The following PHB2 variants were observed in gnomAD, a reference collection of about 807,000 sequenced individuals.
The protein encoded by PHB2 is prohibitin 2.
PHB2 carries 22 observed loss-of-function variants against 46.4 expected under a neutral mutation model. The ratio of observed to expected loss-of-function variants is 0.47; its 90% CI spans 0.34 to 0.68. The LOEUF is 0.68. Among genes scored for constraint, PHB2 ranks in the 30% least tolerant of loss-of-function variants. PHB2 has a pLI of 0.01. For synonymous variants in PHB2, 156 were observed against 150.5 expected (o/e 1.04, Z -0.27); for missense variants, 305 against 382.8 (o/e 0.80, Z 1.70).
At position 6,967,428 on chromosome 12, in the gene PHB2, AGG is replaced by A. The variant is rs1427905493; in HGVS notation, c.712-182_712-181del. The stretch of plus-strand genomic sequence containing the variant: ...TCCCTGCAGGCTGCTGCCAGGAACT[AGG>A]GGCAGCACCAGAAATGAAGGCAAGG... On this transcript the variant is annotated intron_variant, in intron 6 of 9. Coordinates refer to ENST00000535923, the MANE Select transcript of PHB2 (RefSeq NM_001144831.2). The surrounding 1 kb of genome is among the most constrained non-coding windows in gnomAD (Gnocchi z 4.9). 7.2e-7 allele frequency: 1 copy of A among 1,386,752 alleles called. No individual in the cohort carries two copies. Among genetic ancestry groups the A allele is most frequent in the Non-Finnish European group, 1.0e-6 (1 of 980,836 alleles). The allele number at this position is 1,386,752 out of a possible 1,614,324, so 85.9% of individuals were successfully genotyped here.
chr12:6,968,576 G>C lies in PHB2; in HGVS notation c.312C>G (p.Ile104Met), dbSNP rs782422291. ...TGGGTCGAGACAACACTCGCAGGGAGATATTCACCATCTGTAGGTCTGAGA... is the reference window on the plus strand; with the variant it reads ...TGGGTCGAGACAACACTCGCAGGGACATATTCACCATCTGTAGGTCTGAGA... ...TGSKDLQMVN[I>M]SLRVLSRPNA... is the part of the protein sequence containing the mutation. Residue 104 changes from isoleucine to methionine, a missense_variant, in exon 4 of 10, where the codon ATC (isoleucine) becomes ATG (methionine). This residue lies in a region of PHB2 where 241 missense variants were observed against 302.7 expected (regional missense o/e 0.80). Transcript: ENST00000535923. 1 of 1,613,666 alleles carries C rather than the reference G, an allele frequency of 6.2e-7. No individual in the cohort carries two copies. The highest frequency in any genetic ancestry group is 1.7e-5 in the Admixed American group (1 of 59,964).
At chr12:6,970,048 G>A (rs781841510) in intron 2 of PHB2, 148 bp downstream of exon 2, 1 of 724,146 alleles carries the variant, frequency 1.4e-6, no homozygotes, top group Non-Finnish European at 2.5e-6. Flanking sequence ...GCTGCTGGAG[G>A]TTCTCGCAGC....
Position 6,970,626 on chromosome 12 carries a change from C to A in PHB2, c.-83G>T. On this transcript the variant is annotated 5_prime_UTR_variant, in exon 1 of 10. Coordinates refer to ENST00000535923, the MANE Select transcript of PHB2 (RefSeq NM_001144831.2). ...CCCCGCTCCGGCTTAGGTACTGCAC[C>A]CTTCACACGAGGGTTCGGGCCCGTA... 1 of 1,460,700 alleles carries A rather than the reference C, an allele frequency of 6.8e-7. No individual in the cohort carries two copies. The highest frequency in any genetic ancestry group is 9.2e-7 in the Non-Finnish European group (1 of 1,092,630). 90.5% of individuals were successfully genotyped at this position (1,460,700 alleles called of 1,614,324 possible). A position where few individuals can be genotyped will look rare whatever the true frequency, so the allele number is the denominator to read the frequency against.
rs1555151557 is a variant in PHB2, at chr12:6,969,487, C to T, written c.292+11G>A. ...CCACCTGCCATGTGATTACCAAGTG[C>T]TCAGACCTACCTTTGGAGCCTGTAG... On this transcript the variant is annotated intron_variant, in intron 3 of 9. Coordinates refer to ENST00000535923, the MANE Select transcript of PHB2 (RefSeq NM_001144831.2). 2 of 1,535,724 alleles carry T rather than the reference C, an allele frequency of 1.3e-6. No homozygotes were observed. Among genetic ancestry groups the T allele is most frequent in the East Asian group, 2.3e-5 (1 of 44,098 alleles).
Position 6,966,468 on chromosome 12 carries a change from T to C in PHB2, c.822A>G (p.Thr274=), listed in dbSNP as rs34735201. 2.2e-3 allele frequency: 3,484 copies of C among 1,611,336 alleles called. 92 individuals carry two copies. The East Asian group carries it at 0.037, about 17-fold the overall frequency. ...GTAGGTTCAGCACAAGGTTGTCAGC[T>C]GTGAGATAGATACGATTCTGTGATG... ...IATSQNRIYL[T]ADNLVLNLQD... The change falls in exon 8 of 10, where the codon ACA becomes ACG. Residue 274 remains threonine (T), a synonymous_variant. Coordinates refer to ENST00000535923, the MANE Select transcript of PHB2 (RefSeq NM_001144831.2).
chr12:6,967,382 C>A lies in PHB2; in HGVS notation c.712-134G>T. 6.2e-7 allele frequency: 1 copy of A among 1,604,924 alleles called. No homozygotes were observed. Among genetic ancestry groups the A allele is most frequent in the Non-Finnish European group, 8.5e-7 (1 of 1,174,634 alleles). ...TCAGGTGGCTTGTGCCCAGCCCTAC[C>A]GTGGACCCCACCTGTGGGCCTCCCT... is the stretch of plus-strand genomic sequence containing the variant. On this transcript the variant is annotated intron_variant, in intron 6 of 9. Coordinates refer to ENST00000535923, the MANE Select transcript of PHB2 (RefSeq NM_001144831.2). This position sits in a 1 kb window ranked among gnomAD's most constrained non-coding sequence, Gnocchi z 4.9.
rs1946223880 is a variant in PHB2, at chr12:6,967,049, G to A, written c.789+122C>T. 1.1e-6 allele frequency: 1 copy of A among 875,090 alleles called. No individual in the cohort carries two copies. 54.2% of individuals were successfully genotyped at this position (875,090 alleles called of 1,614,324 possible). A position where few individuals can be genotyped will look rare whatever the true frequency, so the allele number is the denominator to read the frequency against. Reference sequence around the variant, plus strand: ...CATGCGTGAGCCACCGCGCCGGCCAGAGAAGCCAATCTGAGTAGAAACCGG... The same window carrying A: ...CATGCGTGAGCCACCGCGCCGGCCAAAGAAGCCAATCTGAGTAGAAACCGG... On this transcript the variant is annotated intron_variant, in intron 7 of 9. Coordinates refer to ENST00000535923, the MANE Select transcript of PHB2 (RefSeq NM_001144831.2). The surrounding 1 kb of genome is among the most constrained non-coding windows in gnomAD (Gnocchi z 4.9).
upstream of PHB2, chr12:6,970,717 G>C (rs1021199666): frequency 4.0e-5 from 38 of 946,994 alleles, no homozygotes; most frequent in Non-Finnish European, 5.2e-5. Flanking sequence ...AGCCCACTAC[G>C]GACCCGAACT....
intron 3 of PHB2, among the ~76,000 whole-genome samples, 172 bp downstream of exon 3, chr12:6,969,326 C>T (rs1271224838): frequency 1.3e-5 from 2 of 152,212 alleles, no homozygotes; most frequent in Non-Finnish European, 2.9e-5. Context: ...CACGCAAACA[C>T]AGTGTGTTCA....
intron 2 of PHB2, 60 bp from the exon 3 acceptor site, chr12:6,969,637 C>A: frequency 3.2e-6 from 3 of 929,532 alleles, no homozygotes; most frequent in Non-Finnish European, 5.2e-6. Flanking sequence ...CGGTGGCTCA[C>A]GCCTGTAATC....
rs1591701367 is a variant in PHB2, at chr12:6,967,953, C to T, written c.546G>A (p.Val182=). 2 of 1,613,660 alleles carry T rather than the reference C, an allele frequency of 1.2e-6. No homozygotes were observed. The highest frequency in any genetic ancestry group is 1.7e-6 in the Non-Finnish European group (2 of 1,179,714). ...GGCTAAAGCTCAGCTCTGTGATGGC[C>T]ACATCATCCAGGATGAGGCTGAAGT... is the stretch of plus-strand genomic sequence containing the variant. ...AKDFSLILDD[V]AITELSFSRE... Residue 182 remains valine (V), a synonymous_variant, in exon 5 of 10, where the codon GTG becomes GTA. Transcript: ENST00000535923. The surrounding 1 kb of genome is among the most constrained non-coding windows in gnomAD (Gnocchi z 4.9).
Position 6,968,849 on chromosome 12 carries a change from T to A in PHB2, c.293-254A>T, listed in dbSNP as rs117899315. On this transcript the variant is annotated intron_variant, in intron 3 of 9. Transcript: ENST00000535923. Reference sequence around the variant, plus strand: ...CTACTCTTTCCCCCTCTGTACTCTGTGCAACCTCTAACGTGGGCGCTTTCG... The same window carrying A: ...CTACTCTTTCCCCCTCTGTACTCTGAGCAACCTCTAACGTGGGCGCTTTCG... 307 of 514,474 alleles carry A rather than the reference T, an allele frequency of 6.0e-4. 4 individuals carry two copies. In the East Asian group the frequency reaches 8.7e-3, roughly 15 times the overall value. 31.9% of individuals were successfully genotyped at this position (514,474 alleles called of 1,614,324 possible). A position where few individuals can be genotyped will look rare whatever the true frequency, so the allele number is the denominator to read the frequency against.
At chr12:6,966,544 C>T (rs1555150814) in intron 7 of PHB2, 44 bp from the exon 8 acceptor site, 4 of 1,245,588 alleles carry the variant, frequency 3.2e-6, no homozygotes, top group Non-Finnish European at 4.7e-6. Context: ...TAAGCAAAGA[C>T]CTCAATTCCG....
chr12:6,969,896 C>T (rs1565591366), intron 2 of PHB2: 1 of 607,472 alleles, frequency 1.6e-6, no homozygotes, highest in East Asian at 3.3e-5. Context: ...AAGACTCCCT[C>T]TCCAAAAAAA....
chr12:6,970,676 G>T, upstream of PHB2: 1 of 1,135,434 alleles, frequency 8.8e-7, no homozygotes, highest in Non-Finnish European at 1.2e-6. Flanking sequence ...AAGGGCAGCG[G>T]AAGTGCGCTC....
rs1555150715 is a variant in PHB2, at chr12:6,965,911, C to T, written c.872G>A (p.Ser291Asn). The T allele has an allele frequency of 6.3e-7, 1 of 1,598,968 alleles. No individual in the cohort carries two copies. The highest frequency in any genetic ancestry group is 8.5e-7 in the Non-Finnish European group (1 of 1,179,456). Reference protein sequence around the residue: ...NLQDESFTRGSDSLIKGKK With the variant: ...NLQDESFTRGNDSLIKGKK ...CCCCACAGAAGCAACAACAGCTTAC[C>T]TTCCCCTGTGGTGCCAGATCGCCAG... Residue 291 changes from serine (S) to asparagine (N), a missense_variant and splice_region_variant, in exon 9 of 10, where the codon AGT becomes AAT. Around this residue, in one of 3 missense-constraint regions of PHB2, gnomAD observed 241 missense variants for 302.7 expected, o/e 0.80. Coordinates refer to ENST00000535923, the MANE Select transcript of PHB2 (RefSeq NM_001144831.2).
intron 3 of PHB2, 159 bp from the exon 4 acceptor site, chr12:6,968,754 A>G (rs1555151389): frequency 4.4e-6 from 3 of 680,512 alleles, no homozygotes; most frequent in South Asian, 1.6e-5. Context: ...GACAAGACGC[A>G]GCACAGCTGA....
chr12:6,967,575 G>T lies in PHB2; in HGVS notation c.711+101C>A. On this transcript the variant is annotated intron_variant, in intron 6 of 9. Transcript: ENST00000535923. This position sits in a 1 kb window ranked among gnomAD's most constrained non-coding sequence, Gnocchi z 4.9. ...CAAGGAGCCAAGGGCCAGAGAGCAC[G>T]GAGTCGCATTCGCCTTAGTCTCATC... 2 of 1,021,548 alleles carry T rather than the reference G, an allele frequency of 2.0e-6. No individual in the cohort carries two copies. Among genetic ancestry groups the T allele is most frequent in the South Asian group, 2.5e-5 (2 of 78,796 alleles). 63.3% of individuals were successfully genotyped at this position (1,021,548 alleles called of 1,614,324 possible).
intron 2 of PHB2, chr12:6,969,788 A>C (rs1362341206): frequency 2.0e-6 from 1 of 504,402 alleles, no homozygotes; most frequent in Non-Finnish European, 3.6e-6. Flanking sequence ...AATCCCAGCT[A>C]CTCGTGAGGC....
Sources: allele counts gnomAD v4.1 joint callset (sites outside exome capture counted in the v4.1 genomes callset), GRCh38; gene constraint gnomAD v4.1.1; regional missense constraint gnomAD v4.1.1; non-coding constraint Gnocchi (gnomAD v3.1); transcripts MANE v1.5; gene names NCBI Gene and HGNC (gene_info 2026-07-23, HGNC 2026-07-21).